Variants in COPS6 observed in about 807,000 individuals in gnomAD.
COPS6 encodes the protein COP9 signalosome subunit 6.
Under a neutral mutation model 41.0 loss-of-function variants are expected in COPS6, and 9 were observed. That is an observed-to-expected ratio of 0.22 (90% confidence interval 0.13 to 0.38). The LOEUF is 0.38. Among genes scored for constraint, COPS6 ranks in the 10% least tolerant of loss-of-function variants. The probability of loss-of-function intolerance (pLI) is 1.00; values close to 1 mark genes in which losing one functional copy is unlikely to be tolerated. For missense variants in COPS6, 302 were observed against 436.7 expected (o/e 0.69, Z 2.75); for synonymous variants, 179 against 162.9 (o/e 1.10, Z -0.75).
Position 100,091,383 on chromosome 7 carries a change from G to C in COPS6, c.743-37G>C, listed in dbSNP as rs200785489. On this transcript the variant is annotated intron_variant, in intron 8 of 9. Transcript: ENST00000303904. This position sits in a 1 kb window ranked among gnomAD's most constrained non-coding sequence, Gnocchi z 4.1. ...TCCTCTCCCTCCTGGGGAAGTGACA[G>C]CATCCAAACTAATGTAGTCTCTTTT... 7 of 1,612,254 alleles carry C rather than the reference G, an allele frequency of 4.3e-6. No individual in the cohort carries two copies. The African/African-American group carries it at 9.3e-5, about 22-fold the overall frequency.
chr7:100,089,702 A>G lies in COPS6; in HGVS notation c.290A>G (p.Lys97Arg). Residue 97 changes from lysine (K) to arginine (R), a missense_variant, in exon 3 of 10, where the codon AAG (lysine) becomes AGG (arginine). Around this residue, in one of 3 missense-constraint regions of COPS6, gnomAD observed 222 missense variants for 309.0 expected, o/e 0.72. Transcript: ENST00000303904. ...CTGCTGTCCCACACCGTGGAAGAGA[A>G]GATTATCATTGACAAGGAATATTAT... Reference protein sequence around the residue: ...FELLSHTVEEKIIIDKEYYYT... With the variant: ...FELLSHTVEERIIIDKEYYYT... 1 of 1,614,046 alleles carries G rather than the reference A, an allele frequency of 6.2e-7. No homozygotes were observed. The highest frequency in any genetic ancestry group is 1.1e-5 in the South Asian group (1 of 91,074).
chr7:100,090,074 G>A, intron 3 of COPS6: 1 of 441,736 alleles, frequency 2.3e-6, no homozygotes, highest in East Asian at 4.5e-5. Flanking sequence ...GTCAGGCCGG[G>A]CTCAGTGACT....
At chr7:100,090,317 C>T in intron 3 of COPS6, 82 bp from the exon 4 acceptor site, 2 of 1,053,552 alleles carry the variant, frequency 1.9e-6, no homozygotes, top group South Asian at 1.4e-5. Context: ...CACTGCACTC[C>T]AGCCTGGGCA....
Position 100,091,457 on chromosome 7 carries a change from C to G in COPS6, c.780C>G (p.Ala260=), listed in dbSNP as rs775968450. ...TTAATCATGAGATCCTGCGGGAGGC[C>G]TATGCTCTGTGTCACTGTCTCCCGG... ...VPFNHEILRE[A]YALCHCLPVL... Residue 260 remains alanine (A), a synonymous_variant, in exon 9 of 10, where the codon GCC becomes GCG. Coordinates refer to ENST00000303904, the MANE Select transcript of COPS6 (RefSeq NM_006833.5). The surrounding 1 kb of genome is among the most constrained non-coding windows in gnomAD (Gnocchi z 4.1). 7.4e-6 allele frequency: 12 copies of G among 1,614,028 alleles called. No homozygotes were observed. Among genetic ancestry groups the G allele is most frequent in the Non-Finnish European group, 9.3e-6 (11 of 1,180,028 alleles).
intron 5 of COPS6, 90 bp from the exon 6 acceptor site, chr7:100,090,812 T>G: frequency 1.3e-6 from 2 of 1,510,782 alleles, no homozygotes; most frequent in Non-Finnish European, 1.8e-6. Context: ...CCTACTTCAT[T>G]GGTTTCTTGG....
At position 100,091,507 on chromosome 7, in the gene COPS6, C is replaced by G; in HGVS notation, c.830C>G (p.Thr277Arg). ...GTGCTCAGCACAGACAAGTTCAAGA[C>G]AGATTTTTATGATGTGAGTGTAAAA... ...LPVLSTDKFKTDFYDQCNDVG... is the reference protein window; with the variant it reads ...LPVLSTDKFKRDFYDQCNDVG... The change falls in exon 9 of 10, where the codon ACA (threonine) becomes AGA (arginine). Residue 277 changes from threonine (T) to arginine (R), a missense_variant. Physicochemically the swap from Thr to Arg is moderately conservative, Grantham distance 71. This residue lies in a region of COPS6 where 222 missense variants were observed against 309.0 expected (regional missense o/e 0.72). Transcript: ENST00000303904. This position sits in a 1 kb window ranked among gnomAD's most constrained non-coding sequence, Gnocchi z 4.1. 1 of 1,614,158 alleles carries G rather than the reference C, an allele frequency of 6.2e-7. No individual in the cohort carries two copies. The highest frequency in any genetic ancestry group is 8.5e-7 in the Non-Finnish European group (1 of 1,179,980).
Position 100,091,785 on chromosome 7 carries a change from T to C in COPS6, c.980T>C (p.Phe327Ser). The C allele has an allele frequency of 6.2e-7, 1 of 1,614,168 alleles. No homozygotes were observed. Among genetic ancestry groups the C allele is most frequent in the Non-Finnish European group, 8.5e-7 (1 of 1,180,028 alleles). The change falls in exon 10 of 10, where the codon TTC (phenylalanine) becomes TCC (serine). Residue 327 changes from phenylalanine to serine, a missense_variant. Coordinates refer to ENST00000303904, the MANE Select transcript of COPS6 (RefSeq NM_006833.5). This position sits in a 1 kb window ranked among gnomAD's most constrained non-coding sequence, Gnocchi z 4.1. Reference sequence around the variant, plus strand: ...GGCAGGAGAATGCGCGGGCTCTTTTTCTGATGAGGGTACTTGAAGGGCTGA... The same window carrying C: ...GGCAGGAGAATGCGCGGGCTCTTTTCCTGATGAGGGTACTTGAAGGGCTGA... ...GIGRRMRGLF[F>S]
At chr7:100,089,144 G>A in intron 1 of COPS6, 78 bp downstream of exon 1, 3 of 1,482,898 alleles carry the variant, frequency 2.0e-6, no homozygotes, top group Non-Finnish European at 1.8e-6. Context: ...CCCGGGAGAA[G>A]GGAGGAGGGC....
In COPS6 at chr7:100,089,030, A is replaced by C. The variant is rs1795273990; in HGVS notation, c.40A>C (p.Thr14Pro). 3.8e-5 allele frequency: 52 copies of C among 1,361,936 alleles called. No individual in the cohort carries two copies. The highest frequency in any genetic ancestry group is 4.9e-5 in the Non-Finnish European group (52 of 1,055,704). The allele number at this position is 1,361,936 out of a possible 1,614,324, so 84.4% of individuals were successfully genotyped here. ...AAAAAAATNG[T>P]GGSSGMEVDA... The stretch of plus-strand genomic sequence containing the variant: ...GGCGGCGGCTGCAGCTACGAACGGG[A>C]CCGGAGGAAGCAGCGGGATGGAGGT... Residue 14 changes from threonine to proline, a missense_variant, in exon 1 of 10, where the codon ACC (threonine) becomes CCC (proline). Thr to Pro is a conservative substitution (Grantham distance 38). Coordinates refer to ENST00000303904, the MANE Select transcript of COPS6 (RefSeq NM_006833.5).
At chr7:100,089,574 T>C (rs1451415829) in intron 2 of COPS6, 41 bp from the exon 3 acceptor site, 1 of 1,603,832 alleles carries the variant, frequency 6.2e-7, no homozygotes, top group African/African-American at 1.3e-5. Context: ...GTCATAGAAG[T>C]TTCTTTACCC....
chr7:100,089,136 C>T lies in COPS6; in HGVS notation c.76+70C>T, dbSNP rs577546796. The T allele has an allele frequency of 1.9e-4, 274 of 1,469,776 alleles. 2 individuals are homozygous for T. In the South Asian group the frequency reaches 3.9e-3, roughly 21 times the overall value. The allele number at this position is 1,469,776 out of a possible 1,614,324, so 91.0% of individuals were successfully genotyped here. A position where few individuals can be genotyped will look rare whatever the true frequency, so the allele number is the denominator to read the frequency against. On this transcript the variant is annotated intron_variant, in intron 1 of 9. Coordinates refer to ENST00000303904, the MANE Select transcript of COPS6 (RefSeq NM_006833.5). ...GTTCGTTGAGGCCTCCCTGTGCTCC[C>T]GGGAGAAGGGAGGAGGGCGGAGCAG...
intron 3 of COPS6, chr7:100,089,974 C>G (rs1448677637): frequency 4.1e-6 from 2 of 488,804 alleles, no homozygotes; most frequent in Non-Finnish European, 7.3e-6. Flanking sequence ...TTATTCTAAA[C>G]TGAGCCAGGA....
In COPS6 at chr7:100,089,646, C is replaced by T. The variant is rs1367513637; in HGVS notation, c.234C>T (p.Gly78=). ...VIGALIGKQE[G]RNIEVMNSFE... is the part of the protein sequence containing the mutation. ...GGGCTCTGATTGGCAAGCAGGAGGG[C>T]CGAAATATCGAGGTGATGAACTCCT... Residue 78 remains glycine (G), a synonymous_variant, in exon 3 of 10, where the codon GGC becomes GGT. Coordinates refer to ENST00000303904, the MANE Select transcript of COPS6 (RefSeq NM_006833.5). 1.6e-5 allele frequency: 26 copies of T among 1,613,164 alleles called. No homozygotes were observed. The highest frequency in any genetic ancestry group is 2.1e-5 in the Non-Finnish European group (25 of 1,179,764).
intron 5 of COPS6, 62 bp from the exon 6 acceptor site, chr7:100,090,840 T>G: frequency 6.3e-7 from 1 of 1,575,252 alleles, no homozygotes; most frequent in Non-Finnish European, 8.7e-7. Context: ...AGAGGAAATG[T>G]GTAAAAGCAG....
chr7:100,090,510 A>C (rs924081072), intron 4 of COPS6, 23 bp downstream of exon 4: 2 of 1,612,102 alleles, frequency 1.2e-6, no homozygotes, highest in Non-Finnish European at 1.7e-6. Context: ...ACACCTGTGC[A>C]TGCTGGGGCA....
chr7:100,090,802 C>T, intron 5 of COPS6, 100 bp from the exon 6 acceptor site: 1 of 1,485,698 alleles, frequency 6.7e-7, no homozygotes, highest in Non-Finnish European at 9.4e-7. Flanking sequence ...GGAGGTAATC[C>T]CTACTTCATT....
At chr7:100,089,821 G>A in intron 3 of COPS6, 75 bp downstream of exon 3, 1 of 1,465,154 alleles carries the variant, frequency 6.8e-7, no homozygotes, top group Non-Finnish European at 9.3e-7. Flanking sequence ...AGATGGAGAG[G>A]GTTGGAAAGA....
At position 100,091,840 on chromosome 7, in the gene COPS6, G is replaced by C. The variant is rs780812046; in HGVS notation, c.*51G>C. 1.9e-6 allele frequency: 3 copies of C among 1,611,166 alleles called. No individual in the cohort carries two copies. Among genetic ancestry groups the C allele is most frequent in the Admixed American group, 3.3e-5 (2 of 59,942 alleles). ...CAGGGGTCAGGCAACTATCCCAAAGGGGAGGGCACTACACTTCCTTGAGAG... is the reference window on the plus strand; with the variant it reads ...CAGGGGTCAGGCAACTATCCCAAAGCGGAGGGCACTACACTTCCTTGAGAG... On this transcript the variant is annotated 3_prime_UTR_variant, in exon 10 of 10. Transcript: ENST00000303904. This position sits in a 1 kb window ranked among gnomAD's most constrained non-coding sequence, Gnocchi z 4.1.
At chr7:100,089,844 G>C in intron 3 of COPS6, 98 bp downstream of exon 3, 1 of 1,216,018 alleles carries the variant, frequency 8.2e-7, no homozygotes, top group Non-Finnish European at 1.1e-6. Flanking sequence ...CAGGAGAGGA[G>C]ACCAAGAACA....
Sources: gnomAD v4.1 joint callset for allele counts on GRCh38, gnomAD v4.1.1 for gene constraint, gnomAD v4.1.1 regional missense constraint, Gnocchi (gnomAD v3.1) non-coding constraint, MANE v1.5 for transcripts, NCBI Gene and HGNC (gene_info 2026-07-23, HGNC 2026-07-21) for gene names.